Variants in CDK6 observed in about 807,000 individuals in gnomAD.
The protein encoded by CDK6 is cyclin dependent kinase 6.
In CDK6, 6 loss-of-function variants were observed where a neutral mutation model predicts 37.1. The observed-to-expected ratio is 0.16, with a 90% CI of 0.09 to 0.32. The LOEUF (loss-of-function observed/expected upper bound fraction) is 0.32, where lower values mean the gene tolerates loss of function less well. CDK6 is among the 10% of genes least tolerant of loss of function. The probability of loss-of-function intolerance (pLI) is 1.00; values close to 1 mark genes in which losing one functional copy is unlikely to be tolerated. For synonymous variants in CDK6, 160 were observed against 161.3 expected (o/e 0.99, Z 0.06); for missense variants, 224 against 418.9 (o/e 0.53, Z 4.06).
At chr7:92,628,281 A>G (rs1795974576) in intron 5 of CDK6, among the ~76,000 whole-genome samples, 1 of 143,292 alleles carries the variant, frequency 7.0e-6, no homozygotes, top group South Asian at 2.1e-4. Flanking sequence ...TAGTTTTAAA[A>G]TCAGAAGAAA....
chr7:92,774,599 G>C (rs2115782589), intron 3 of CDK6, 97 bp downstream of exon 3: 7 of 1,087,534 alleles, frequency 6.4e-6, no homozygotes, highest in Non-Finnish European at 9.0e-6. Context: ...AATTCTAAAA[G>C]TTGTAATTGT....
At chr7:92,728,000 A>G (rs1308237208) in intron 3 of CDK6, among the ~76,000 whole-genome samples, 1 of 152,244 alleles carries the variant, frequency 6.6e-6, no homozygotes, top group African/African-American at 2.4e-5. Context: ...TATACAGTTA[A>G]GTGTCACTCA....
At chr7:92,785,030 G>A (rs1182515784) in intron 2 of CDK6, among the ~76,000 whole-genome samples, 1 of 152,136 alleles carries the variant, frequency 6.6e-6, no homozygotes, top group African/African-American at 2.4e-5. Context: ...TCATTTTAGA[G>A]ACGAAGAAAT....
chr7:92,760,647 T>C (rs1799431002), intron 3 of CDK6, among the ~76,000 whole-genome samples: 1 of 152,162 alleles, frequency 6.6e-6, no homozygotes, highest in Admixed American at 6.5e-5. Flanking sequence ...TAATGTTGTA[T>C]GGCACTAACC....
intron 3 of CDK6, among the ~76,000 whole-genome samples, chr7:92,756,768 A>G (rs1028240425): frequency 6.6e-6 from 1 of 152,186 alleles, no homozygotes; most frequent in Non-Finnish European, 1.5e-5. Context: ...TATCTTTCCA[A>G]TAACAAATGG....
intron 2 of CDK6, among the ~76,000 whole-genome samples, chr7:92,780,266 C>T (rs1799953698): frequency 6.6e-6 from 1 of 152,188 alleles, no homozygotes; most frequent in Admixed American, 6.5e-5. Context: ...GCCACTGTGC[C>T]CGGCCAGAAA....
intron 3 of CDK6, among the ~76,000 whole-genome samples, chr7:92,749,855 T>A (rs1047934374): frequency 1.3e-5 from 2 of 152,218 alleles, no homozygotes; most frequent in African/African-American, 4.8e-5. Flanking sequence ...ATAACTTTGA[T>A]AGTGCATAGT....
intron 2 of CDK6, among the ~76,000 whole-genome samples, chr7:92,818,199 G>A (rs923260732): frequency 3.3e-5 from 5 of 151,894 alleles, no homozygotes; most frequent in Admixed American, 2.6e-4. Context: ...ACCTGATTAA[G>A]ACCTATACAT....
intron 3 of CDK6, among the ~76,000 whole-genome samples, chr7:92,760,193 A>C (rs1400961863): frequency 6.6e-6 from 1 of 152,174 alleles, no homozygotes; most frequent in Non-Finnish European, 1.5e-5. Context: ...CAATCAAGTG[A>C]AATTTCTCCA....
chr7:92,824,259 C>T (rs1801254857), intron 2 of CDK6, among the ~76,000 whole-genome samples: 1 of 151,756 alleles, frequency 6.6e-6, no homozygotes, highest in South Asian at 2.1e-4. Flanking sequence ...TTTTAAATGT[C>T]ATAAGTCAGT....
At chr7:92,801,268 A>G (rs1170636552) in intron 2 of CDK6, among the ~76,000 whole-genome samples, 1 of 152,204 alleles carries the variant, frequency 6.6e-6, no homozygotes, top group East Asian at 1.9e-4. Flanking sequence ...ACTTTTATTT[A>G]TAACAGGAAT....
At chr7:92,689,533 G>C (rs774546583) in intron 4 of CDK6, among the ~76,000 whole-genome samples, 1 of 152,104 alleles carries the variant, frequency 6.6e-6, no homozygotes, top group African/African-American at 2.4e-5. Context: ...TACCCATAAA[G>C]AAATACATGA....
At chr7:92,744,036 A>G (rs558445952) in intron 3 of CDK6, among the ~76,000 whole-genome samples, 1 of 152,104 alleles carries the variant, frequency 6.6e-6, no homozygotes, top group Non-Finnish European at 1.5e-5. Flanking sequence ...TAAAAAAAAA[A>G]TTTATTGTCT....
chr7:92,622,299 C>T (rs1376233989), intron 6 of CDK6, among the ~76,000 whole-genome samples: 1 of 152,072 alleles, frequency 6.6e-6, no homozygotes, highest in Non-Finnish European at 1.5e-5. Context: ...AGCGATGTAA[C>T]TGAAACCAAA....
chr7:92,792,605 G>A (rs1800312231), intron 2 of CDK6, among the ~76,000 whole-genome samples: 1 of 151,964 alleles, frequency 6.6e-6, no homozygotes, highest in Non-Finnish European at 1.5e-5. Flanking sequence ...CAGAAGATCT[G>A]GTAACCTACC....
intron 6 of CDK6, among the ~76,000 whole-genome samples, chr7:92,620,109 T>G (rs1448636488): frequency 6.6e-6 from 1 of 152,200 alleles, no homozygotes; most frequent in South Asian, 2.1e-4. Context: ...TAGAAATATT[T>G]AAAATCTTTT....
At chr7:92,698,179 A>G (rs1187889681) in intron 4 of CDK6, among the ~76,000 whole-genome samples, 1 of 152,240 alleles carries the variant, frequency 6.6e-6, no homozygotes, top group Non-Finnish European at 1.5e-5. Context: ...AGCTTCTATG[A>G]ACTAATAACC....
chr7:92,726,594 A>G (rs532825009), intron 3 of CDK6, among the ~76,000 whole-genome samples: 2 of 152,192 alleles, frequency 1.3e-5, no homozygotes, highest in African/African-American at 4.8e-5. Context: ...TAGTTTTTGC[A>G]GAGATGCGAT....
Position 92,615,297 on chromosome 7 carries a change from G to A in CDK6, c.835-11C>T. Reference sequence around the variant, plus strand: ...AAATGTCAAACACTTCTGTAATAAAGAAAAAAATAATTGGTTGATATACAA... The same window carrying A: ...AAATGTCAAACACTTCTGTAATAAAAAAAAAAATAATTGGTTGATATACAA... On this transcript the variant is annotated splice_polypyrimidine_tract_variant and intron_variant, in intron 7 of 7. Transcript: ENST00000424848. The A allele has an allele frequency of 1.9e-6, 3 of 1,602,874 alleles. No homozygotes were observed. Among genetic ancestry groups the A allele is most frequent in the East Asian group, 2.2e-5 (1 of 44,822 alleles).
Sources: gnomAD v4.1 joint callset for allele counts (sites outside exome capture counted in the v4.1 genomes callset) on GRCh38, gnomAD v4.1.1 for gene constraint, MANE v1.5 for transcripts, NCBI Gene and HGNC (gene_info 2026-07-23, HGNC 2026-07-21) for gene names.